The following SPEF1 variants were observed in gnomAD, a reference collection of about 807,000 sequenced individuals.
The protein encoded by SPEF1 is sperm flagella and cilia-associated protein 1.
A neutral mutation model predicts 31.8 loss-of-function variants in SPEF1; 30 were observed. The ratio of observed to expected loss-of-function variants is 0.94; its 90% CI spans 0.70 to 1.28. SPEF1 has a LOEUF of 1.28. SPEF1 is among the 50% of genes most tolerant of loss of function. SPEF1 has a pLI of 0.00. For missense variants in SPEF1, 298 were observed against 309.6 expected (o/e 0.96, Z 0.28); for synonymous variants, 126 against 130.1 (o/e 0.97, Z 0.21).
chr20:3,780,753 T>A (rs1568493018), intron 1 of SPEF1, among the ~76,000 whole-genome samples: 1 of 151,938 alleles, frequency 6.6e-6, no homozygotes, highest in Admixed American at 6.6e-5. Context: ...ACAAACACCT[T>A]CACAATCACA....
chr20:3,779,433 T>C (rs1173624682), intron 2 of SPEF1, 81 bp from the exon 3 acceptor site: 2 of 1,258,958 alleles, frequency 1.6e-6, no homozygotes, highest in African/African-American at 1.5e-5. Flanking sequence ...GGGGGCATGG[T>C]GGTTGCTGTT....
At position 3,778,119 on chromosome 20, in the gene SPEF1, C is replaced by T. The variant is rs1465739809; in HGVS notation, c.*93G>A. The T allele has an allele frequency of 8.9e-5, 81 of 910,248 alleles. No individual in the cohort carries two copies. The highest frequency in any genetic ancestry group is 3.4e-4 in the Middle Eastern group (1 of 2,922). The allele number at this position is 910,248 out of a possible 1,614,324, so 56.4% of individuals were successfully genotyped here. A position where few individuals can be genotyped will look rare whatever the true frequency, so the allele number is the denominator to read the frequency against. On this transcript the variant is annotated 3_prime_UTR_variant, in exon 7 of 7. Transcript: ENST00000379756. Reference sequence around the variant, plus strand: ...GGCTCGTGAGAGCAGCGGGCTCCGCCCTCCCAATGGTCTATCCATCGGTGG... The same window carrying T: ...GGCTCGTGAGAGCAGCGGGCTCCGCTCTCCCAATGGTCTATCCATCGGTGG...
chr20:3,779,209 G>C lies in SPEF1; in HGVS notation c.365C>G (p.Ala122Gly), dbSNP rs1307235896. 3.2e-6 allele frequency: 5 copies of C among 1,575,790 alleles called. No individual in the cohort carries two copies. In the Admixed American group the frequency reaches 9.0e-5, roughly 28 times the overall value. The change falls in exon 3 of 7, where the codon GCC (alanine) becomes GGC (glycine). Residue 122 changes from alanine (A) to glycine (G), a missense_variant. Transcript: ENST00000379756. ...GCGGGGTGGCACCTGTAAGGAGCCG[G>C]CGCCCTGCTTCCTGCGCCTCTGCCT... ...EERQRRRKQG[A>G]GSLQELAPQD...
chr20:3,779,579 C>G (rs1033353100), intron 2 of SPEF1, 85 bp downstream of exon 2: 3 of 1,063,916 alleles, frequency 2.8e-6, no homozygotes, highest in Admixed American at 3.7e-5. Flanking sequence ...TCTGCGTTGA[C>G]CCTCCCCACC....
In SPEF1 at chr20:3,778,293, C is replaced by T; in HGVS notation, c.630G>A (p.Leu210=). 2 of 1,612,604 alleles carry T rather than the reference C, an allele frequency of 1.2e-6. No individual in the cohort carries two copies. Among genetic ancestry groups the T allele is most frequent in the Non-Finnish European group, 1.7e-6 (2 of 1,179,060 alleles). The change falls in exon 7 of 7, where the codon CTG becomes CTA. Residue 210 remains leucine (L), a synonymous_variant. Transcript: ENST00000379756. ...CATTCTTGAGCTGGAGCAGGTGCTC[C>T]AGGCGCCTTACCTTCATCTGCAGGA... ...VQVLQMKVRR[L]EHLLQLKNVR...
chr20:3,777,678 CG>C lies in SPEF1; in HGVS notation c.*533del, dbSNP rs1001121997. On this transcript the variant is annotated 3_prime_UTR_variant, in exon 7 of 7. Transcript: ENST00000379756. The surrounding 1 kb of genome is among the most constrained non-coding windows in gnomAD (Gnocchi z 4.1). Reference sequence around the variant, plus strand: ...CTTCCTCTCCAGCTGCTGCGGTCTCCGTCGCCGAGGTGGGTCCCAGGTAAGC... The same window carrying C: ...CTTCCTCTCCAGCTGCTGCGGTCTCCTCGCCGAGGTGGGTCCCAGGTAAGC... 1.3e-5 allele frequency: 2 copies of C among 152,558 alleles called. No individual in the cohort carries two copies. The highest frequency in any genetic ancestry group is 4.8e-5 in the African/African-American group (2 of 41,464). The allele number at this position is 152,558 out of a possible 1,614,324, so 9.5% of individuals were successfully genotyped here. A position where few individuals can be genotyped will look rare whatever the true frequency, so the allele number is the denominator to read the frequency against.
At position 3,778,933 on chromosome 20, in the gene SPEF1, T is replaced by C. The variant is rs1165952922; in HGVS notation, c.418+18A>G. 1 of 1,613,842 alleles carries C rather than the reference T, an allele frequency of 6.2e-7. No homozygotes were observed. Among genetic ancestry groups the C allele is most frequent in the Admixed American group, 1.7e-5 (1 of 59,992 alleles). ...GAAAGCTCCAACCGGGAGGGAGAAATGGAAAAGGCCACCTTACCCACATCC... is the reference window on the plus strand; with the variant it reads ...GAAAGCTCCAACCGGGAGGGAGAAACGGAAAAGGCCACCTTACCCACATCC... On this transcript the variant is annotated intron_variant, in intron 4 of 6. Transcript: ENST00000379756.
In SPEF1 at chr20:3,778,791, G is replaced by T; in HGVS notation, c.434C>A (p.Ala145Asp). 6.2e-7 allele frequency: 1 copy of T among 1,614,030 alleles called. No homozygotes were observed. The highest frequency in any genetic ancestry group is 1.1e-5 in the South Asian group (1 of 91,072). ...GGGGTCCGGGACACCTTCACCTCGG[G>T]CCTTCTGGGATACACCTGAGACAAG... is the stretch of plus-strand genomic sequence containing the variant. ...GYMDVGVSQK[A>D]RGEGVPDPQG... The change falls in exon 5 of 7, where the codon GCC becomes GAC. Residue 145 changes from alanine to aspartate, a missense_variant. Coordinates refer to ENST00000379756, the MANE Select transcript of SPEF1 (RefSeq NM_015417.5).
rs763609370 is a variant in SPEF1 at position 3,778,335 on chromosome 20, C to T, written c.604-16G>A. On this transcript the variant is annotated splice_polypyrimidine_tract_variant and intron_variant, in intron 6 of 6. Coordinates refer to ENST00000379756, the MANE Select transcript of SPEF1 (RefSeq NM_015417.5). ...TCTGCAGGACCTAAGCCGCACCGCGCAGGCGTCAAGCCTGGCGGTCTGCTC... is the reference window on the plus strand; with the variant it reads ...TCTGCAGGACCTAAGCCGCACCGCGTAGGCGTCAAGCCTGGCGGTCTGCTC... The T allele has an allele frequency of 2.5e-6, 4 of 1,612,218 alleles. No homozygotes were observed. Among genetic ancestry groups the T allele is most frequent in the Non-Finnish European group, 3.4e-6 (4 of 1,178,738 alleles).
In SPEF1 at chr20:3,780,924, T is replaced by C. The variant is rs1282197756; in HGVS notation, c.109+255A>G. 2.7e-4 allele frequency among the ~76,000 whole-genome samples: 41 copies of C among 152,022 alleles called. 1 individual carries two copies. The highest frequency in any genetic ancestry group is 2.4e-5 in the African/African-American group (1 of 41,414). The stretch of plus-strand genomic sequence containing the variant: ...CATATGCAGACACATATCTTAATCA[T>C]TAATGTCCCTGGAGGGAGTTAGAGG... On this transcript the variant is annotated intron_variant, in intron 1 of 6. Coordinates refer to ENST00000379756, the MANE Select transcript of SPEF1 (RefSeq NM_015417.5).
rs1041717910 is a variant in SPEF1 at position 3,779,164 on chromosome 20, G to C, written c.378+32C>G. On this transcript the variant is annotated intron_variant, in intron 3 of 6. Coordinates refer to ENST00000379756, the MANE Select transcript of SPEF1 (RefSeq NM_015417.5). ...GGGAGCGCCCCCCACCCAGCCCCCA[G>C]AGCAGTGGGAGAAGCTGGAGCGGGG... The C allele has an allele frequency of 2.6e-6, 4 of 1,551,280 alleles. No individual in the cohort carries two copies. In the Admixed American group the frequency reaches 7.5e-5, roughly 29 times the overall value.
In SPEF1 at chr20:3,779,649, CA is replaced by C. The variant is rs748452173; in HGVS notation, c.221+14del. On this transcript the variant is annotated intron_variant, in intron 2 of 6. Transcript: ENST00000379756. ...GACCATAGGAGATGATGGGGCTGCA[CA>C]GGTATTCTGCTACCTGTTCAGATGA... The C allele has an allele frequency of 2.6e-6, 4 of 1,567,350 alleles. No homozygotes were observed. In the South Asian group the frequency reaches 4.4e-5, roughly 17 times the overall value.
chr20:3,777,926 A>C lies in SPEF1; in HGVS notation c.*286T>G. On this transcript the variant is annotated 3_prime_UTR_variant, in exon 7 of 7. Transcript: ENST00000379756. The surrounding 1 kb of genome is among the most constrained non-coding windows in gnomAD (Gnocchi z 4.1). ...TGGACACTGCTTTGGGGGACAGGCT[A>C]GGTCTCTGCACGTGGCTTCTGGGCT... 3 of 379,322 alleles carry C rather than the reference A, an allele frequency of 7.9e-6. No individual in the cohort carries two copies. Among genetic ancestry groups the C allele is most frequent in the Non-Finnish European group, 4.8e-6 (1 of 208,060 alleles). The allele number at this position is 379,322 out of a possible 1,614,324, so 23.5% of individuals were successfully genotyped here. A position where few individuals can be genotyped will look rare whatever the true frequency, so the allele number is the denominator to read the frequency against.
rs1215445011 is a variant in SPEF1, at chr20:3,779,232, C to A, written c.342G>T (p.Arg114Ser). 4 of 1,586,868 alleles carry A rather than the reference C, an allele frequency of 2.5e-6. No homozygotes were observed. The highest frequency in any genetic ancestry group is 1.8e-4 in the Middle Eastern group (1 of 5,700). Residue 114 changes from arginine (R) to serine (S), a missense_variant, in exon 3 of 7, where the codon AGG becomes AGT. Transcript: ENST00000379756. The part of the protein sequence containing the change: ...LIPLRQRLEE[R>S]QRRRKQGAGS... ...CGGCGCCCTGCTTCCTGCGCCTCTG[C>A]CTCTCCTCCAGGCGCTGCCTCAGCG...
At chr20:3,779,640 G>A (rs746928396) in intron 2 of SPEF1, 24 bp downstream of exon 2, 2 of 1,521,290 alleles carry the variant, frequency 1.3e-6, no homozygotes, top group Non-Finnish European at 1.8e-6. Flanking sequence ...AGGAGATGAT[G>A]GGGCTGCACA....
Position 3,778,789 on chromosome 20 carries a change from G to A in SPEF1, c.436C>T (p.Arg146Ter). Residue 146 changes from arginine (R) to a stop codon, truncating the protein, a stop_gained, in exon 5 of 7, where the codon CGA (arginine) becomes TGA (stop). Transcript: ENST00000379756. LOFTEE classifies it high-confidence loss of function. The stretch of plus-strand genomic sequence containing the variant: ...TGGGGGTCCGGGACACCTTCACCTC[G>A]GGCCTTCTGGGATACACCTGAGACA... ...YMDVGVSQKA[R>*]GEGVPDPQGG... The A allele has an allele frequency of 6.2e-7, 1 of 1,613,958 alleles. No homozygotes were observed. Among genetic ancestry groups the A allele is most frequent in the Non-Finnish European group, 8.5e-7 (1 of 1,179,966 alleles).
intron 3 of SPEF1, 94 bp from the exon 4 acceptor site, chr20:3,779,084 T>C: frequency 6.3e-7 from 1 of 1,594,074 alleles, no homozygotes. Flanking sequence ...CAGGCTCTAT[T>C]AGCCAAGCAC....
In SPEF1 at chr20:3,779,269, A is replaced by C; in HGVS notation, c.305T>G (p.Leu102Arg). 1 of 1,598,050 alleles carries C rather than the reference A, an allele frequency of 6.3e-7. No individual in the cohort carries two copies. The highest frequency in any genetic ancestry group is 8.5e-7 in the Non-Finnish European group (1 of 1,171,684). Residue 102 changes from leucine (L) to arginine (R), a missense_variant, in exon 3 of 7, where the codon CTG becomes CGG. Physicochemically the swap from Leu to Arg is moderately radical, Grantham distance 102. Transcript: ENST00000379756. ...GCGCTGCCTCAGCGGGATGAGCACC[A>C]GCTCCACCACGCCTGGGGCGCACTG... ...IAQCAPGVVE[L>R]VLIPLRQRLE...
rs916247932 is a variant in SPEF1, at chr20:3,780,388, G to T, written c.110-613C>A. On this transcript the variant is annotated intron_variant, in intron 1 of 6. Transcript: ENST00000379756. Reference sequence around the variant, plus strand: ...GAGTCTCCAAGAGAAGCTTTCAGGAGCCCAGGGAATTCACATGGATGCATG... The same window carrying T: ...GAGTCTCCAAGAGAAGCTTTCAGGATCCCAGGGAATTCACATGGATGCATG... Among the ~76,000 whole-genome samples the T allele has an allele frequency of 4.9e-5, 7 of 143,962 alleles. No homozygotes were observed. The South Asian group carries it at 1.3e-3, about 28-fold the overall frequency. The allele number at this position is 143,962 out of a possible 152,430, so 94.4% of individuals were successfully genotyped here.
Sources: gnomAD v4.1 joint callset for allele counts (sites outside exome capture counted in the v4.1 genomes callset) on GRCh38, gnomAD v4.1.1 for gene constraint, Gnocchi (gnomAD v3.1) non-coding constraint, MANE v1.5 for transcripts, NCBI Gene and HGNC (gene_info 2026-07-23, HGNC 2026-07-21) for gene names.